Variants in PPP1R21 observed in about 807,000 individuals in gnomAD.
PPP1R21 encodes the protein KLRAQ motif containing 1.
PPP1R21 carries 85 observed loss-of-function variants against 112.8 expected under a neutral mutation model. The ratio of observed to expected loss-of-function variants is 0.75; its 90% CI spans 0.63 to 0.90. PPP1R21 has a LOEUF of 0.90. PPP1R21 is among the 40% of genes least tolerant of loss of function. PPP1R21 has a pLI of 0.00. For synonymous variants in PPP1R21, 381 were observed against 322.3 expected, an observed-to-expected ratio of 1.18 and a Z score of -1.95; for missense variants, 1,199 against 901.5, an observed-to-expected ratio of 1.33 and a Z score of -4.23.
At chr2:48,476,696 G>A (rs1024477333) in intron 12 of PPP1R21, among the ~76,000 whole-genome samples, 22 of 152,086 alleles carry the variant, frequency 1.4e-4, no homozygotes, top group Admixed American at 1.2e-3. Flanking sequence ...TCCTGATTGC[G>A]AGTGATGTTG....
intron 6 of PPP1R21, among the ~76,000 whole-genome samples, chr2:48,460,666 G>A (rs1232745407): frequency 1.3e-5 from 2 of 152,010 alleles, no homozygotes; most frequent in Non-Finnish European, 2.9e-5. Flanking sequence ...CGATTTTGTT[G>A]CATCGTTAGA....
At position 48,447,635 on chromosome 2, in the gene PPP1R21, G is replaced by A. The variant is rs1310902891; in HGVS notation, c.58-3373G>A. 3.9e-5 allele frequency among the ~76,000 whole-genome samples: 6 copies of A among 152,262 alleles called. No individual in the cohort carries two copies. The East Asian group carries it at 1.2e-3, about 29-fold the overall frequency. On this transcript the variant is annotated intron_variant, in intron 1 of 21. Transcript: ENST00000294952. Reference sequence around the variant, plus strand: ...CCTCCCCTCTGTGGTGAATACTGGTGCAGAGAAAGATAGATTCTAAAAGAC... The same window carrying A: ...CCTCCCCTCTGTGGTGAATACTGGTACAGAGAAAGATAGATTCTAAAAGAC...
At position 48,440,817 on chromosome 2, in the gene PPP1R21, C is replaced by CGGCGGG. The variant is rs923658806; in HGVS notation, c.-132_-131insGGGCGG. 1 of 639,522 alleles carries CGGCGGG rather than the reference C, an allele frequency of 1.6e-6. No individual in the cohort carries two copies. The highest frequency in any genetic ancestry group is 2.0e-5 in the African/African-American group (1 of 51,216). The allele number at this position is 639,522 out of a possible 1,614,324, so 39.6% of individuals were successfully genotyped here. Reference sequence around the variant, plus strand: ...CCCGGAAGTGGAGGAGGAGGCGCGGCGGCGGCGGCGGCGGCGGCTGCGGTG... The same window carrying CGGCGGG: ...CCCGGAAGTGGAGGAGGAGGCGCGGCGGCGGGGGCGGCGGCGGCGGCGGCTGCGGTG... On this transcript the variant is annotated 5_prime_UTR_variant, in exon 1 of 22. Transcript: ENST00000294952.
intron 17 of PPP1R21, among the ~76,000 whole-genome samples, chr2:48,504,417 CA>C (rs1670277057): frequency 6.6e-6 from 1 of 152,066 alleles, no homozygotes; most frequent in African/African-American, 2.4e-5. Flanking sequence ...GTGAGGCAGG[CA>C]GATCACGAGG....
chr2:48,469,321 ATATATATATAGAG>A (rs1558456346), intron 9 of PPP1R21, among the ~76,000 whole-genome samples: 587 of 31,462 alleles, frequency 0.019, 49 homozygotes, highest in Admixed American at 0.15. Context: ...ACACACACAC[ATATATATATAGAG>A]CATATATATA....
intron 9 of PPP1R21, among the ~76,000 whole-genome samples, chr2:48,470,652 A>C (rs562976059): frequency 6.6e-6 from 1 of 152,324 alleles, no homozygotes; most frequent in African/African-American, 2.4e-5. Flanking sequence ...TGGGTATATA[A>C]CACAAAAATT....
At chr2:48,471,900 C>T (rs1668524467) in intron 11 of PPP1R21, among the ~76,000 whole-genome samples, 1 of 152,090 alleles carries the variant, frequency 6.6e-6, no homozygotes, top group Admixed American at 6.5e-5. Flanking sequence ...ACTACCAAGA[C>T]ACCTATTTCA....
At chr2:48,447,565 C>T (rs543146626) in intron 1 of PPP1R21, among the ~76,000 whole-genome samples, 109 of 152,258 alleles carry the variant, frequency 7.2e-4, no homozygotes, top group Non-Finnish European at 1.3e-3. Context: ...AGTGACCATC[C>T]GGTAATCTTA....
chr2:48,453,629 T>G (rs1020194034), intron 2 of PPP1R21, among the ~76,000 whole-genome samples: 3 of 152,230 alleles, frequency 2.0e-5, no homozygotes, highest in African/African-American at 7.2e-5. Flanking sequence ...TTCTCTTTAG[T>G]TTTCCATTTT....
At chr2:48,468,829 A>ATGTG (rs113373775) in intron 9 of PPP1R21, among the ~76,000 whole-genome samples, 15,101 of 146,346 alleles carry the variant, frequency 0.1, 850 homozygotes, top group Non-Finnish European at 0.13. Flanking sequence ...AAAAAAATGT[A>ATGTG]TGTGTGTGTG....
chr2:48,454,857 T>C, intron 3 of PPP1R21, 116 bp downstream of exon 3: 1 of 805,886 alleles, frequency 1.2e-6, no homozygotes, highest in Non-Finnish European at 2.0e-6. Context: ...TTTGTTTGTT[T>C]GAGACAGGGT....
intron 13 of PPP1R21, among the ~76,000 whole-genome samples, chr2:48,482,395 C>T (rs1459406906): frequency 2.0e-5 from 3 of 152,150 alleles, no homozygotes; most frequent in African/African-American, 7.2e-5. Flanking sequence ...CTTAGTACTG[C>T]AACCTCCCAG....
intron 11 of PPP1R21, among the ~76,000 whole-genome samples, chr2:48,472,379 A>T (rs1359878811): frequency 6.6e-6 from 1 of 151,778 alleles, no homozygotes. Flanking sequence ...TAGTCCCAGC[A>T]CTTTGGGAGG....
At chr2:48,452,554 T>A (rs1348943603) in intron 2 of PPP1R21, among the ~76,000 whole-genome samples, 2 of 150,738 alleles carry the variant, frequency 1.3e-5, no homozygotes, top group Non-Finnish European at 3.0e-5. Flanking sequence ...GAAAAATAAA[T>A]TATTTTTTTT....
intron 13 of PPP1R21, among the ~76,000 whole-genome samples, chr2:48,481,041 T>G (rs1379859141): frequency 6.6e-6 from 1 of 152,182 alleles, no homozygotes; most frequent in Non-Finnish European, 1.5e-5. Flanking sequence ...CAGGCTGGAG[T>G]GCAGTGGTGT....
intron 11 of PPP1R21, among the ~76,000 whole-genome samples, chr2:48,471,866 A>G (rs1668523039): frequency 6.6e-6 from 1 of 152,182 alleles, no homozygotes; most frequent in African/African-American, 2.4e-5. Flanking sequence ...TATTGCTTGT[A>G]AGTTTTGATA....
intron 17 of PPP1R21, among the ~76,000 whole-genome samples, chr2:48,502,781 C>T (rs140631876): frequency 0.01 from 1,504 of 148,822 alleles, 17 homozygotes; most frequent in African/African-American, 0.035. Flanking sequence ...CCCGGGTTCA[C>T]GCCATTCTCC....
intron 14 of PPP1R21, 132 bp from the exon 15 acceptor site, chr2:48,490,886 G>A (rs1211398921): frequency 1.4e-6 from 1 of 703,614 alleles, no homozygotes; most frequent in Non-Finnish European, 2.4e-6. Flanking sequence ...TGTGGACTTT[G>A]GGGCAGGTGT....
chr2:48,484,773 C>T (rs899757189), intron 13 of PPP1R21, among the ~76,000 whole-genome samples: 2 of 152,154 alleles, frequency 1.3e-5, no homozygotes, highest in Non-Finnish European at 1.5e-5. Context: ...ACGTCGGTCT[C>T]CCAAAGTGCT....
Sources: allele counts gnomAD v4.1 joint callset (sites outside exome capture counted in the v4.1 genomes callset), GRCh38; gene constraint gnomAD v4.1.1; transcripts MANE v1.5; gene names NCBI Gene and HGNC (gene_info 2026-07-23, HGNC 2026-07-21).